SEC16A: variants seen among roughly 807,000 people sequenced by gnomAD.
SEC16A encodes SEC16 homolog A, endoplasmic reticulum export factor.
In SEC16A, 110 loss-of-function variants were observed where a neutral mutation model predicts 221.9. The observed-to-expected ratio is 0.50, with a 90% CI of 0.42 to 0.58. The LOEUF is 0.58. Ranked by LOEUF, SEC16A falls within the 20% of genes least tolerant of loss-of-function variation. The pLI is 0.00. For missense variants in SEC16A, 3,165 were observed against 3,097.8 expected (o/e 1.02, Z -0.52); for synonymous variants, 1,393 against 1,257.7 (o/e 1.11, Z -2.28).
chr9:136,457,643 G>A (rs983372465), intron 17 of SEC16A, 59 bp from the exon 18 acceptor site: 1 of 1,559,928 alleles, frequency 6.4e-7, no homozygotes, highest in Non-Finnish European at 8.7e-7. Context: ...ATCGCCGATG[G>A]ACAAAGCCTT....
At position 136,441,490 on chromosome 9, in the gene SEC16A, A is replaced by T; in HGVS notation, c.*265T>A. The T allele has an allele frequency of 3.7e-6, 2 of 535,246 alleles. No individual in the cohort carries two copies. The highest frequency in any genetic ancestry group is 6.8e-6 in the Non-Finnish European group (2 of 294,896). 33.2% of individuals were successfully genotyped at this position (535,246 alleles called of 1,614,324 possible). A position where few individuals can be genotyped will look rare whatever the true frequency, so the allele number is the denominator to read the frequency against. ...CTATATCCTTAAATCATCCTAAATGACTAAGAAAGTCACATCATTCTTTTC... is the reference window on the plus strand; with the variant it reads ...CTATATCCTTAAATCATCCTAAATGTCTAAGAAAGTCACATCATTCTTTTC... On this transcript the variant is annotated 3_prime_UTR_variant, in exon 32 of 32. Coordinates refer to ENST00000684901, the MANE Select transcript of SEC16A (RefSeq NM_014866.2).
In SEC16A at chr9:136,459,903, T is replaced by C. The variant is rs1256797838; in HGVS notation, c.5074-29A>G. 1.3e-6 allele frequency: 2 copies of C among 1,593,230 alleles called. No individual in the cohort carries two copies. Among genetic ancestry groups the C allele is most frequent in the Non-Finnish European group, 1.7e-6 (2 of 1,166,740 alleles). ...ACATGAGGAAAAACAAAACGAAGCC[T>C]CATCCCCGGAAGCCAGCGCCATTTC... is the stretch of plus-strand genomic sequence containing the variant. On this transcript the variant is annotated intron_variant, in intron 14 of 31. Transcript: ENST00000684901. The surrounding 1 kb of genome is among the most constrained non-coding windows in gnomAD (Gnocchi z 6.1).
chr9:136,466,825 G>C lies in SEC16A; in HGVS notation c.3929+132C>G. On this transcript the variant is annotated intron_variant, in intron 6 of 31. Coordinates refer to ENST00000684901, the MANE Select transcript of SEC16A (RefSeq NM_014866.2). This position sits in a 1 kb window ranked among gnomAD's most constrained non-coding sequence, Gnocchi z 5.5. ...CTGCTCCCTCCTTCCTTTCAGACAG[G>C]GACCAAAACATCAGGCAGATGCTCA... 8.6e-7 allele frequency: 1 copy of C among 1,162,976 alleles called. No homozygotes were observed. The highest frequency in any genetic ancestry group is 1.2e-6 in the Non-Finnish European group (1 of 843,598). 72.0% of individuals were successfully genotyped at this position (1,162,976 alleles called of 1,614,324 possible).
upstream of SEC16A, chr9:136,483,146 C>T (rs1262063747): frequency 4.6e-6 from 2 of 437,904 alleles, no homozygotes; most frequent in Non-Finnish European, 6.1e-6. Flanking sequence ...CAGACGCGTT[C>T]TCTTTCAGCC....
At chr9:136,464,671 G>A (rs947906792) in intron 8 of SEC16A, 109 bp from the exon 9 acceptor site, 37 of 975,172 alleles carry the variant, frequency 3.8e-5, no homozygotes, top group East Asian at 4.9e-5. Context: ...GATTTATCAC[G>A]ACAGACTTCC....
Position 136,474,253 on chromosome 9 carries a change from G to A in SEC16A, c.3363C>T (p.Ser1121=), listed in dbSNP as rs775189091. The A allele has an allele frequency of 6.2e-6, 10 of 1,608,492 alleles. No individual in the cohort carries two copies. Among genetic ancestry groups the A allele is most frequent in the Admixed American group, 5.1e-5 (3 of 58,900 alleles). The change falls in exon 3 of 32, where the codon AGC becomes AGT. Residue 1121 remains serine, a synonymous_variant. Transcript: ENST00000684901. ...QLPPRPPQSS[S]VSLVSSGSGQ... Reference sequence around the variant, plus strand: ...CGGAGCCACTGGACACCAGAGACACGCTAGAGGACTGAGGAGGCCGAGGGG... The same window carrying A: ...CGGAGCCACTGGACACCAGAGACACACTAGAGGACTGAGGAGGCCGAGGGG...
rs1292896373 is a variant in SEC16A, at chr9:136,440,742, A to G, written c.*1013T>C. On this transcript the variant is annotated 3_prime_UTR_variant, in exon 32 of 32. Coordinates refer to ENST00000684901, the MANE Select transcript of SEC16A (RefSeq NM_014866.2). ...TAAGTTCCAGAGCTGCTGTCAAGAA[A>G]CTGTGTTAAGATACTCTCCCCAAGT... 1 of 152,486 alleles carries G rather than the reference A, an allele frequency of 6.6e-6. No individual in the cohort carries two copies. The highest frequency in any genetic ancestry group is 1.5e-5 in the Non-Finnish European group (1 of 68,040). 9.4% of individuals were successfully genotyped at this position (152,486 alleles called of 1,614,324 possible).
At chr9:136,441,938 G>A (rs190941133) in intron 31 of SEC16A, 115 bp from the exon 32 acceptor site, 22 of 885,678 alleles carry the variant, frequency 2.5e-5, no homozygotes, top group Non-Finnish European at 3.8e-5. Flanking sequence ...CATTGGCGCT[G>A]ACAAGCTGAA....
chr9:136,461,957 A>G (rs1839539680), intron 12 of SEC16A, among the ~76,000 whole-genome samples: 1 of 151,102 alleles, frequency 6.6e-6, no homozygotes. Context: ...AAAAAAAAAA[A>G]GTTAGCCAGG....
chr9:136,468,294 A>T, intron 5 of SEC16A, 121 bp downstream of exon 5: 1 of 563,992 alleles, frequency 1.8e-6, no homozygotes, highest in Non-Finnish European at 3.2e-6. Flanking sequence ...TAAAGAGATT[A>T]ATAAAAGGGG....
chr9:136,476,694 T>C lies in SEC16A; in HGVS notation c.922A>G (p.Ile308Val). The change falls in exon 3 of 32, where the codon ATT (isoleucine) becomes GTT (valine). Residue 308 changes from isoleucine to valine, a missense_variant. By Grantham distance (29) the Ile-to-Val change is conservative. Transcript: ENST00000684901. ...TCTGGGCTTGCCCAGTGATTCACAA[T>C]TCTGGGATTTTGCCTGAATGTACTT... ...PESTFRQNPRIVNHWASPELR... is the reference protein window; with the variant it reads ...PESTFRQNPRVVNHWASPELR... 1 of 1,576,284 alleles carries C rather than the reference T, an allele frequency of 6.3e-7. No individual in the cohort carries two copies. Among genetic ancestry groups the C allele is most frequent in the Non-Finnish European group, 8.6e-7 (1 of 1,158,738 alleles).
Position 136,483,025 on chromosome 9 carries a change from C to T in SEC16A, c.-279G>A. 2.0e-6 allele frequency: 2 copies of T among 985,310 alleles called. No individual in the cohort carries two copies. The highest frequency in any genetic ancestry group is 2.4e-6 in the Non-Finnish European group (2 of 829,842). The allele number at this position is 985,310 out of a possible 1,614,324, so 61.0% of individuals were successfully genotyped here. On this transcript the variant is annotated 5_prime_UTR_variant, in exon 1 of 32. Coordinates refer to ENST00000684901, the MANE Select transcript of SEC16A (RefSeq NM_014866.2). Reference sequence around the variant, plus strand: ...AGCACAGACACCTCAGCCGCCGCAGCCATCTTGGCACATCCGGCTCGGGTC... The same window carrying T: ...AGCACAGACACCTCAGCCGCCGCAGTCATCTTGGCACATCCGGCTCGGGTC...
chr9:136,459,977 TCAC>T lies in SEC16A; in HGVS notation c.5073+62_5073+64del. On this transcript the variant is annotated intron_variant, in intron 14 of 31. Coordinates refer to ENST00000684901, the MANE Select transcript of SEC16A (RefSeq NM_014866.2). The surrounding 1 kb of genome is among the most constrained non-coding windows in gnomAD (Gnocchi z 6.1). ...AGGCACCTCACGGCCTGTGACAGCG[TCAC>T]CCACGAGCAAACTCCACACAGGCAG... The T allele has an allele frequency of 6.5e-7, 1 of 1,544,990 alleles. No homozygotes were observed. Among genetic ancestry groups the T allele is most frequent in the South Asian group, 1.2e-5 (1 of 85,882 alleles).
chr9:136,477,043 T>A lies in SEC16A; in HGVS notation c.573A>T (p.Pro191=). 7 of 1,613,782 alleles carry A rather than the reference T, an allele frequency of 4.3e-6. No individual in the cohort carries two copies. Among genetic ancestry groups the A allele is most frequent in the Non-Finnish European group, 5.9e-6 (7 of 1,179,878 alleles). ...GLDRPLSRQN[P]HDGVVTPAAS... ...CTGCTGGGGTGACCACACCGTCATG[T>A]GGGTTTTGCCTGCTCAGGGGTCGGT... is the stretch of plus-strand genomic sequence containing the variant. Residue 191 remains proline (P), a synonymous_variant, in exon 3 of 32, where the codon CCA becomes CCT. Coordinates refer to ENST00000684901, the MANE Select transcript of SEC16A (RefSeq NM_014866.2).
At chr9:136,469,771 C>A (rs548135418) in intron 4 of SEC16A, among the ~76,000 whole-genome samples, 1 of 152,250 alleles carries the variant, frequency 6.6e-6, no homozygotes, top group African/African-American at 2.4e-5. Flanking sequence ...GAGCTGCACA[C>A]CCGCCGCTGA....
At chr9:136,468,660 G>A (rs768633202) in intron 4 of SEC16A, 148 bp from the exon 5 acceptor site, 1 of 588,376 alleles carries the variant, frequency 1.7e-6, no homozygotes, top group Non-Finnish European at 3.0e-6. Flanking sequence ...CAAAACAGTA[G>A]CAAGGATGAG....
upstream of SEC16A, chr9:136,483,920 A>G: frequency 2.3e-6 from 1 of 435,516 alleles, no homozygotes; most frequent in Non-Finnish European, 3.1e-6. Flanking sequence ...AAGTTGGTCG[A>G]TGGCTGCCGC....
At chr9:136,481,632 C>G (rs191311486) in intron 1 of SEC16A, among the ~76,000 whole-genome samples, 1 of 152,180 alleles carries the variant, frequency 6.6e-6, no homozygotes, top group East Asian at 1.9e-4. Flanking sequence ...TGCATGCACA[C>G]CCCTCTCCTC....
chr9:136,482,303 C>T (rs756092569), intron 1 of SEC16A, among the ~76,000 whole-genome samples: 1 of 152,248 alleles, frequency 6.6e-6, no homozygotes, highest in Non-Finnish European at 1.5e-5. Flanking sequence ...CGGCATCACA[C>T]ATGTAAAACA....
Sources: allele counts gnomAD v4.1 joint callset (sites outside exome capture counted in the v4.1 genomes callset), GRCh38; gene constraint gnomAD v4.1.1; non-coding constraint Gnocchi (gnomAD v3.1); transcripts MANE v1.5; gene names NCBI Gene and HGNC (gene_info 2026-07-23, HGNC 2026-07-21).